The following MAML3 variants were observed in gnomAD, a reference collection of about 807,000 sequenced individuals.
MAML3 encodes mastermind-like protein 3.
In MAML3, 27 loss-of-function variants were observed where a neutral mutation model predicts 101.9. The observed-to-expected ratio is 0.27, with a 90% confidence interval of 0.20 to 0.37. The LOEUF (loss-of-function observed/expected upper bound fraction) is 0.37, where lower values mean the gene tolerates loss of function less well. Ranked by LOEUF, MAML3 falls within the 10% of genes least tolerant of loss-of-function variation. MAML3 has a pLI of 1.00. For synonymous variants in MAML3, 501 were observed against 555.9 expected (o/e 0.90, Z 1.39); for missense variants, 1,316 against 1,444.9 (o/e 0.91, Z 1.45).
At chr4:140,107,681 T>C (rs909480101) in intron 1 of MAML3, among the ~76,000 whole-genome samples, 6 of 151,608 alleles carry the variant, frequency 4.0e-5, no homozygotes, top group Admixed American at 2.6e-4. Context: ...ATTTTTGTAT[T>C]TTTAGTAGAG....
chr4:139,807,296 T>TGA, intron 2 of MAML3, among the ~76,000 whole-genome samples: 1 of 152,144 alleles, frequency 6.6e-6, no homozygotes, highest in South Asian at 2.1e-4. Flanking sequence ...TGTGTGTGTG[T>TGA]GTGTGTGTAT....
At chr4:140,065,858 G>A (rs1203474919) in intron 1 of MAML3, among the ~76,000 whole-genome samples, 1 of 152,178 alleles carries the variant, frequency 6.6e-6, no homozygotes, top group Non-Finnish European at 1.5e-5. Flanking sequence ...CAAACAGGAA[G>A]GTCCATAAGG....
At chr4:139,893,638 A>T (rs1732547076) in intron 1 of MAML3, among the ~76,000 whole-genome samples, 1 of 152,122 alleles carries the variant, frequency 6.6e-6, no homozygotes, top group Non-Finnish European at 1.5e-5. Flanking sequence ...CATTGACCAT[A>T]AGGAATGCCT....
At position 139,730,473 on chromosome 4, in the gene MAML3, G is replaced by A. The variant is rs760726659; in HGVS notation, c.2274C>T (p.Phe758=). 4.7e-4 allele frequency: 730 copies of A among 1,552,874 alleles called. No homozygotes were observed. Among genetic ancestry groups the A allele is most frequent in the Middle Eastern group, 6.7e-4 (4 of 5,996 alleles). ...AQLIEQQKQQ[F]LREQRQQQQQ... ...GCTGCTGCTGCCTTTGCTCCCGCAGGAACTGTTGCTTCTGCTGCTCTATCA... is the reference window on the plus strand; with the variant it reads ...GCTGCTGCTGCCTTTGCTCCCGCAGAAACTGTTGCTTCTGCTGCTCTATCA... Residue 758 remains phenylalanine, a synonymous_variant, in exon 3 of 5, where the codon TTC becomes TTT. Transcript: ENST00000509479.
At chr4:139,990,330 G>A (rs1185617602) in intron 1 of MAML3, among the ~76,000 whole-genome samples, 1 of 152,146 alleles carries the variant, frequency 6.6e-6, no homozygotes, top group Admixed American at 6.6e-5. Flanking sequence ...TGCAGAAAAG[G>A]CCTTTGACAA....
chr4:140,051,400 CA>C (rs1227737213), intron 1 of MAML3, among the ~76,000 whole-genome samples: 1 of 151,454 alleles, frequency 6.6e-6, no homozygotes, highest in Non-Finnish European at 1.5e-5. Flanking sequence ...ACTAAAAATA[CA>C]AAAAAATTAG....
At chr4:139,860,604 G>T (rs1035938668) in intron 2 of MAML3, among the ~76,000 whole-genome samples, 1 of 152,206 alleles carries the variant, frequency 6.6e-6, no homozygotes, top group Non-Finnish European at 1.5e-5. Flanking sequence ...CACCCACTTA[G>T]GCAGGGACTG....
intron 1 of MAML3, among the ~76,000 whole-genome samples, chr4:140,050,793 G>A (rs543153865): frequency 6.6e-6 from 1 of 152,294 alleles, no homozygotes; most frequent in African/African-American, 2.4e-5. Context: ...CATAGTCTGA[G>A]AAGAGCCCAC....
intron 2 of MAML3, among the ~76,000 whole-genome samples, chr4:139,763,321 C>A (rs147038947): frequency 2.0e-5 from 3 of 152,248 alleles, no homozygotes; most frequent in Admixed American, 2.0e-4. Context: ...ATGACTAAGG[C>A]CCTAGGCAAA....
chr4:140,082,870 C>T (rs1487183117), intron 1 of MAML3, among the ~76,000 whole-genome samples: 1 of 152,044 alleles, frequency 6.6e-6, no homozygotes, highest in African/African-American at 2.4e-5. Context: ...TCAAAAAGAA[C>T]CAGGGAAGGT....
intron 2 of MAML3, among the ~76,000 whole-genome samples, chr4:139,799,621 T>G (rs1730570555): frequency 6.6e-6 from 1 of 152,222 alleles, no homozygotes. Flanking sequence ...AATTGAAGCT[T>G]ATAAATTAGA....
At chr4:139,777,104 G>A (rs2111075222) in intron 2 of MAML3, among the ~76,000 whole-genome samples, 1 of 152,262 alleles carries the variant, frequency 6.6e-6, no homozygotes, top group East Asian at 1.9e-4. Flanking sequence ...AAAAGCAACA[G>A]GTTTAAATGA....
intron 1 of MAML3, among the ~76,000 whole-genome samples, chr4:140,105,125 G>C (rs1728329334): frequency 6.6e-6 from 1 of 152,092 alleles, no homozygotes; most frequent in African/African-American, 2.4e-5. Context: ...GCCACAAAAA[G>C]ACCCTCCATG....
In MAML3 at chr4:140,022,090, G is replaced by C. The variant is rs1578646603; in HGVS notation, c.468+130770C>G. Among the ~76,000 whole-genome samples the C allele has an allele frequency of 5.3e-5, 8 of 152,294 alleles. No homozygotes were observed. In the South Asian group the frequency reaches 1.7e-3, roughly 32 times the overall value. On this transcript the variant is annotated intron_variant, in intron 1 of 4. Transcript: ENST00000509479. ...TCTAGACGGTGCCACAGCCCTGGAG[G>C]GACCCAAGGGAAGTTGCAAATTCCA... is the stretch of plus-strand genomic sequence containing the variant.
At chr4:139,849,632 G>A (rs1417027219) in intron 2 of MAML3, among the ~76,000 whole-genome samples, 3 of 152,192 alleles carry the variant, frequency 2.0e-5, no homozygotes, top group South Asian at 2.1e-4. Context: ...TAAATGTTGA[G>A]TCTGAAAATT....
At chr4:139,818,079 G>C (rs1208702076) in intron 2 of MAML3, among the ~76,000 whole-genome samples, 1 of 152,218 alleles carries the variant, frequency 6.6e-6, no homozygotes, top group South Asian at 2.1e-4. Context: ...CTGTAGGCCT[G>C]AGGTGGGACC....
chr4:139,855,513 T>C (rs1345051056), intron 2 of MAML3, among the ~76,000 whole-genome samples: 1 of 152,262 alleles, frequency 6.6e-6, no homozygotes, highest in African/African-American at 2.4e-5. Context: ...TCTACATGCA[T>C]TGCATAGTGT....
Position 139,894,087 on chromosome 4 carries a change from G to A in MAML3, c.469-3120C>T, listed in dbSNP as rs533748842. Among the ~76,000 whole-genome samples the A allele has an allele frequency of 9.2e-5, 14 of 152,262 alleles. No homozygotes were observed. The East Asian group carries it at 1.7e-3, about 19-fold the overall frequency. ...AGGATTCCCTCTGCCCCTGACACCT[G>A]AACACTCACATGTGAAACTGCCAGG... On this transcript the variant is annotated intron_variant, in intron 1 of 4. Transcript: ENST00000509479.
chr4:139,935,518 C>T (rs1347537315), intron 1 of MAML3, among the ~76,000 whole-genome samples: 2 of 152,176 alleles, frequency 1.3e-5, no homozygotes, highest in Admixed American at 6.5e-5. Context: ...CCTTCTCTTC[C>T]CTGGTAAAAT....
Sources: allele counts gnomAD v4.1 joint callset (sites outside exome capture counted in the v4.1 genomes callset), GRCh38; gene constraint gnomAD v4.1.1; transcripts MANE v1.5; gene names NCBI Gene and HGNC (gene_info 2026-07-23, HGNC 2026-07-21).